The following KCNMA1 variants were observed in gnomAD, a reference collection of about 807,000 sequenced individuals.
KCNMA1 encodes potassium calcium-activated channel subfamily M alpha 1.
A neutral mutation model predicts 140.0 loss-of-function variants in KCNMA1; 29 were observed. The observed-to-expected ratio is 0.21, with a 90% CI of 0.15 to 0.28. The LOEUF (loss-of-function observed/expected upper bound fraction) is 0.28. Ranked by LOEUF, KCNMA1 falls within the 10% of genes least tolerant of loss-of-function variation. KCNMA1 has a pLI of 1.00. For synonymous variants in KCNMA1, 612 were observed against 611.9 expected (o/e 1.00, Z 0.00); for missense variants, 880 against 1,602.2 (o/e 0.55, Z 7.70).
At chr10:77,552,226 TGACTG>T (rs1182421254) in intron 1 of KCNMA1, among the ~76,000 whole-genome samples, 2 of 152,204 alleles carry the variant, frequency 1.3e-5, no homozygotes, top group African/African-American at 2.4e-5. Context: ...CGTGGCTGCC[TGACTG>T]ACTTATCCTC....
chr10:77,380,837 C>T (rs1007073082), intron 2 of KCNMA1, among the ~76,000 whole-genome samples: 1 of 152,182 alleles, frequency 6.6e-6, no homozygotes, highest in Non-Finnish European at 1.5e-5. Flanking sequence ...AAGCATCCAG[C>T]GTGTCTGCTG....
chr10:77,381,446 G>C (rs2095381227), intron 2 of KCNMA1, among the ~76,000 whole-genome samples: 1 of 152,258 alleles, frequency 6.6e-6, no homozygotes, highest in South Asian at 2.1e-4. Context: ...CTAACTTGCG[G>C]TGTAAACATG....
downstream of KCNMA1, among the ~76,000 whole-genome samples, chr10:76,883,203 G>A (rs2035357919): frequency 1.3e-5 from 2 of 152,100 alleles, no homozygotes; most frequent in African/African-American, 2.4e-5. Flanking sequence ...CACCAACACA[G>A]CAGCATCATA....
At chr10:77,092,256 T>C (rs1389640856) in intron 9 of KCNMA1, 1 of 152,252 alleles carries the variant, frequency 6.6e-6, no homozygotes, top group Non-Finnish European at 1.5e-5. Context: ...TTGGATGATA[T>C]GCATTTTATC....
intron 23 of KCNMA1, among the ~76,000 whole-genome samples, chr10:76,938,494 G>A (rs1374159005): frequency 6.6e-6 from 1 of 152,132 alleles, no homozygotes; most frequent in Non-Finnish European, 1.5e-5. Context: ...CAGAGTCCTT[G>A]CATCTTCTTC....
intron 5 of KCNMA1, among the ~76,000 whole-genome samples, chr10:77,167,869 G>A (rs2098660884): frequency 6.6e-6 from 1 of 151,874 alleles, no homozygotes; most frequent in Non-Finnish European, 1.5e-5. Flanking sequence ...TTTTTGTAGA[G>A]ATGGGGTCTC....
Position 77,523,211 on chromosome 10 carries a change from C to CCG in KCNMA1, c.378+114053_378+114054insCG, listed in dbSNP as rs1555416288. 3.3e-5 allele frequency among the ~76,000 whole-genome samples: 5 copies of CCG among 150,364 alleles called. 1 individual carries two copies. The highest frequency in any genetic ancestry group is 9.8e-5 in the African/African-American group (4 of 40,778). On this transcript the variant is annotated intron_variant, in intron 1 of 27. Transcript: ENST00000286628. ...TACTCAACCTTGGACGTGCCCCCCC[C>CCG]CCTTGCAATCACACCACAGAACCGC...
chr10:76,884,040 A>C, downstream of KCNMA1: 1 of 942,832 alleles, frequency 1.1e-6, no homozygotes, highest in Admixed American at 6.2e-5. Flanking sequence ...TCAAAATTCC[A>C]TCTCTTATCA....
chr10:77,268,656 C>G (rs1374167670), intron 2 of KCNMA1, among the ~76,000 whole-genome samples: 1 of 152,062 alleles, frequency 6.6e-6, no homozygotes, highest in African/African-American at 2.4e-5. Flanking sequence ...AAAGAGTAAA[C>G]CAGCCTCTGA....
intron 1 of KCNMA1, among the ~76,000 whole-genome samples, chr10:77,431,488 C>T (rs2097149867): frequency 6.6e-6 from 1 of 152,074 alleles, no homozygotes; most frequent in Non-Finnish European, 1.5e-5. Context: ...GCAGGAACAG[C>T]CAAGAGTCTC....
intron 2 of KCNMA1, chr10:77,315,812 A>T (rs1399852277): frequency 6.6e-6 from 1 of 152,178 alleles, no homozygotes; most frequent in East Asian, 1.9e-4. Flanking sequence ...ACATTCTATT[A>T]ACCAAACATC....
intron 1 of KCNMA1, among the ~76,000 whole-genome samples, chr10:77,555,496 A>G (rs1468952376): frequency 1.1e-4 from 17 of 152,244 alleles, no homozygotes; most frequent in Admixed American, 1.1e-3. Context: ...ACACTTCAGC[A>G]TCACCTATTT....
At chr10:77,591,311 G>A (rs1246832458) in intron 1 of KCNMA1, among the ~76,000 whole-genome samples, 1 of 152,224 alleles carries the variant, frequency 6.6e-6, no homozygotes, top group Non-Finnish European at 1.5e-5. Flanking sequence ...CAAGCCAGCT[G>A]TGTATAGATT....
At chr10:77,605,490 G>A (rs2084159958) in intron 1 of KCNMA1, among the ~76,000 whole-genome samples, 1 of 152,202 alleles carries the variant, frequency 6.6e-6, no homozygotes, top group East Asian at 1.9e-4. Context: ...TTCCTGGAGA[G>A]GTCAGATGAT....
chr10:77,590,290 A>G (rs2078655477), intron 1 of KCNMA1, among the ~76,000 whole-genome samples: 1 of 152,184 alleles, frequency 6.6e-6, no homozygotes, highest in Non-Finnish European at 1.5e-5. Flanking sequence ...CGCACTCCTC[A>G]GCCCTTGGGT....
At chr10:76,923,380 G>A (rs2056585302) in intron 23 of KCNMA1, among the ~76,000 whole-genome samples, 1 of 148,990 alleles carries the variant, frequency 6.7e-6, no homozygotes, top group East Asian at 2.0e-4. Context: ...AGTGAGCTGA[G>A]ATTGCACCAC....
intron 1 of KCNMA1, among the ~76,000 whole-genome samples, chr10:77,592,040 G>A (rs532832796): frequency 4.6e-5 from 7 of 152,256 alleles, no homozygotes; most frequent in South Asian, 4.1e-4. Flanking sequence ...GCATGGGTGC[G>A]AGGCACACAC....
chr10:77,338,812 G>C (rs541675633), intron 2 of KCNMA1, among the ~76,000 whole-genome samples: 15 of 152,338 alleles, frequency 9.8e-5, no homozygotes, highest in African/African-American at 3.6e-4. Flanking sequence ...CATCAGGTGA[G>C]TTGTCAGATC....
At chr10:77,281,808 G>A (rs2068698600) in intron 2 of KCNMA1, among the ~76,000 whole-genome samples, 2 of 152,212 alleles carry the variant, frequency 1.3e-5, no homozygotes, top group African/African-American at 2.4e-5. Context: ...TACTGTATGA[G>A]TTAATTTGTA....
Sources: gnomAD v4.1 joint callset for allele counts (sites outside exome capture counted in the v4.1 genomes callset) on GRCh38, gnomAD v4.1.1 for gene constraint, MANE v1.5 for transcripts, NCBI Gene and HGNC (gene_info 2026-07-23, HGNC 2026-07-21) for gene names.